Variants in PPP2R5C observed in about 807,000 individuals in gnomAD.
The protein encoded by PPP2R5C is serine/threonine-protein phosphatase 2A 56 kDa regulatory subunit gamma isoform.
In PPP2R5C, 7 loss-of-function variants were observed where a neutral mutation model predicts 68.9. The ratio of observed to expected loss-of-function variants is 0.10; its 90% CI spans 0.06 to 0.19. The LOEUF (loss-of-function observed/expected upper bound fraction) is 0.19. Ranked by LOEUF, PPP2R5C falls within the 10% of genes least tolerant of loss-of-function variation. PPP2R5C has a pLI of 1.00. For missense variants in PPP2R5C, 348 were observed against 641.3 expected, an observed-to-expected ratio of 0.54 and a Z score of 4.94; for synonymous variants, 210 against 222.2, an observed-to-expected ratio of 0.95 and a Z score of 0.49.
chr14:101,889,577 G>A (rs2140946141), intron 5 of PPP2R5C, among the ~76,000 whole-genome samples: 1 of 152,328 alleles, frequency 6.6e-6, no homozygotes, highest in East Asian at 1.9e-4. Flanking sequence ...TGGCACAGAG[G>A]GTAGGGTGCG....
chr14:101,773,636 A>G (rs2037264632), intron 2 of PPP2R5C, among the ~76,000 whole-genome samples: 1 of 152,004 alleles, frequency 6.6e-6, no homozygotes, highest in Admixed American at 6.6e-5. Flanking sequence ...GTAGGGTAAG[A>G]TCTTATAAAC....
At chr14:101,927,091 A>G (rs2047315033) in exon 14 of PPP2R5C, 1 of 152,042 alleles carries the variant, frequency 6.6e-6, no homozygotes, top group Admixed American at 6.6e-5. Flanking sequence ...ATTTTGATAT[A>G]CCATTGTTTG....
At chr14:101,802,717 AT>A (rs2038917970) in intron 3 of PPP2R5C, among the ~76,000 whole-genome samples, 1 of 152,176 alleles carries the variant, frequency 6.6e-6, no homozygotes, top group Non-Finnish European at 1.5e-5. Flanking sequence ...TATTTGAAAA[AT>A]CATATAACTG....
Position 101,878,939 on chromosome 14 carries a change from G to GC in PPP2R5C, c.295-3220dup, listed in dbSNP as rs770042607. On this transcript the variant is annotated intron_variant, in intron 2 of 13. Coordinates refer to ENST00000334743, the Ensembl canonical transcript of PPP2R5C. ...GACATTTTACTTTTTTTCAGTTATC[G>GC]CCTTTAACCACGATGGGTGAAATCA... Among the ~76,000 whole-genome samples, 7 of 152,240 alleles carry GC rather than the reference G, an allele frequency of 4.6e-5. No homozygotes were observed. In the East Asian group the frequency reaches 7.7e-4, roughly 17 times the overall value.
At chr14:101,775,698 G>A (rs1215558130) in intron 2 of PPP2R5C, among the ~76,000 whole-genome samples, 1 of 152,136 alleles carries the variant, frequency 6.6e-6, no homozygotes, top group African/African-American at 2.4e-5. Flanking sequence ...CTGGCAGTGG[G>A]GCTGGGCCCA....
intron 1 of PPP2R5C, chr14:101,833,623 A>G (rs2040893441): frequency 6.6e-6 from 1 of 152,222 alleles, no homozygotes. Flanking sequence ...AGGACACAGT[A>G]TGAGGGAGCA....
At chr14:101,850,056 C>T (rs1265724286) in intron 1 of PPP2R5C, among the ~76,000 whole-genome samples, 2 of 152,144 alleles carry the variant, frequency 1.3e-5, no homozygotes, top group Non-Finnish European at 2.9e-5. Flanking sequence ...GCATTGAATC[C>T]GTAGGTCAGT....
chr14:101,806,874 A>T (rs2039099214), upstream of PPP2R5C, among the ~76,000 whole-genome samples: 4 of 152,304 alleles, frequency 2.6e-5, no homozygotes, highest in South Asian at 8.3e-4. Flanking sequence ...AGGCAGGAGG[A>T]TCACTTGGGC....
At chr14:101,857,417 C>T (rs934619691) in intron 2 of PPP2R5C, among the ~76,000 whole-genome samples, 5 of 152,044 alleles carry the variant, frequency 3.3e-5, no homozygotes, top group South Asian at 4.2e-4. Context: ...CTGAGAAGGC[C>T]GCCACCTGTC....
intron 8 of PPP2R5C, among the ~76,000 whole-genome samples, chr14:101,897,083 C>G (rs1277342103): frequency 6.6e-6 from 1 of 152,076 alleles, no homozygotes; most frequent in Non-Finnish European, 1.5e-5. Context: ...GCCGGGCCCT[C>G]GTGGAAGGAC....
At chr14:101,764,358 T>C (rs1054397299) in intron 2 of PPP2R5C, among the ~76,000 whole-genome samples, 11 of 152,238 alleles carry the variant, frequency 7.2e-5, no homozygotes, top group Non-Finnish European at 1.3e-4. Flanking sequence ...AACTGGATCA[T>C]TGAAGCCCCA....
At position 101,899,836 on chromosome 14, in the gene PPP2R5C, TGTATG is replaced by T. The variant is rs368248660; in HGVS notation, c.853-1879_853-1875del. ...AGAAATAATTCCTTTTAAAGACACT[TGTATG>T]GTAGATTTTTATGTCAGACTTGAAA... On this transcript the variant is annotated intron_variant, in intron 8 of 13. Transcript: ENST00000334743. This position sits in a 1 kb window ranked among gnomAD's most constrained non-coding sequence, Gnocchi z 4.2. Among the ~76,000 whole-genome samples the T allele has an allele frequency of 5.0e-3, 761 of 152,322 alleles. 6 individuals are homozygous for T. Among genetic ancestry groups the T allele is most frequent in the South Asian group, 0.017 (84 of 4,822 alleles).
At chr14:101,884,085 A>G (rs2044328881) in intron 5 of PPP2R5C, among the ~76,000 whole-genome samples, 1 of 152,234 alleles carries the variant, frequency 6.6e-6, no homozygotes, top group African/African-American at 2.4e-5. Flanking sequence ...CGGAAAGCCC[A>G]GGAGCCCCTG....
At chr14:101,889,010 T>TAA (rs796892237) in intron 5 of PPP2R5C, among the ~76,000 whole-genome samples, 26 of 146,598 alleles carry the variant, frequency 1.8e-4, no homozygotes, top group African/African-American at 5.7e-4. Flanking sequence ...CACTGCCATA[T>TAA]AAAAAAAAAA....
chr14:101,807,021 T>C (rs1488267691), upstream of PPP2R5C, among the ~76,000 whole-genome samples: 1 of 152,236 alleles, frequency 6.6e-6, no homozygotes, highest in African/African-American at 2.4e-5. Flanking sequence ...CTGAGGGGTT[T>C]GTTCAGAGGT....
intron 9 of PPP2R5C, among the ~76,000 whole-genome samples, chr14:101,902,697 T>C (rs2045766849): frequency 6.6e-6 from 1 of 152,144 alleles, no homozygotes; most frequent in Admixed American, 6.5e-5. Context: ...CAGAAACACA[T>C]GGGCAGTTAC....
chr14:101,905,681 TGGG>T (rs1405355428), intron 9 of PPP2R5C, among the ~76,000 whole-genome samples: 20 of 147,954 alleles, frequency 1.4e-4, no homozygotes, highest in Non-Finnish European at 2.8e-4. Context: ...AAAAGAAAAA[TGGG>T]GGAACCACCC....
At chr14:101,784,674 G>C (rs1566835846) in intron 2 of PPP2R5C, among the ~76,000 whole-genome samples, 1 of 152,164 alleles carries the variant, frequency 6.6e-6, no homozygotes, top group African/African-American at 2.4e-5. Context: ...GATTTGGGTG[G>C]GGACACAGAA....
exon 6 of PPP2R5C, chr14:101,890,257 A>G: frequency 6.2e-7 from 1 of 1,613,814 alleles, no homozygotes; most frequent in Non-Finnish European, 8.5e-7. Context: ...GAAACAGAGC[A>G]TCATAATGGC....
Sources: gnomAD v4.1 joint callset for allele counts (sites outside exome capture counted in the v4.1 genomes callset) on GRCh38, gnomAD v4.1.1 for gene constraint, Gnocchi (gnomAD v3.1) non-coding constraint, MANE v1.5 for transcripts, NCBI Gene and HGNC (gene_info 2026-07-23, HGNC 2026-07-21) for gene names.